Variants in IFT57 observed in about 807,000 individuals in gnomAD.
The protein encoded by IFT57 is intraflagellar transport protein 57 homolog.
IFT57 carries 59 observed loss-of-function variants against 56.8 expected under a neutral mutation model. That is an observed-to-expected ratio of 1.04 (90% CI 0.84 to 1.29). The LOEUF is 1.29. IFT57 is among the 50% of genes most tolerant of loss of function. The pLI, the probability that IFT57 is intolerant of heterozygous loss-of-function variation, is 0.00. For missense variants in IFT57, 470 were observed against 522.1 expected, an observed-to-expected ratio of 0.90 and a Z score of 0.97; for synonymous variants, 209 against 186.1, an observed-to-expected ratio of 1.12 and a Z score of -1.00.
chr3:108,211,669 C>T (rs905837562), intron 4 of IFT57, among the ~76,000 whole-genome samples: 1 of 152,152 alleles, frequency 6.6e-6, no homozygotes, highest in Non-Finnish European at 1.5e-5. Flanking sequence ...TAAAAAACAT[C>T]TTTTAAACTG....
intron 1 of IFT57, 99 bp downstream of exon 1, chr3:108,222,012 G>C: frequency 6.6e-7 from 1 of 1,513,464 alleles, no homozygotes; most frequent in Non-Finnish European, 8.9e-7. Flanking sequence ...GCAAGGAATT[G>C]CTAACCCGCT....
In IFT57 at chr3:108,210,101, T is replaced by C. The variant is rs529109805; in HGVS notation, c.586-3405A>G. ...TACAATAGGATTCTAATCTCAGTAA[T>C]TCAGAAGGCACTCAAAAATTTCCTA... On this transcript the variant is annotated intron_variant, in intron 4 of 10. Coordinates refer to ENST00000264538, the MANE Select transcript of IFT57 (RefSeq NM_018010.4). Among the ~76,000 whole-genome samples, 4 of 152,324 alleles carry C rather than the reference T, an allele frequency of 2.6e-5. No individual in the cohort carries two copies. The South Asian group carries it at 8.3e-4, about 32-fold the overall frequency.
At position 108,175,054 on chromosome 3, in the gene IFT57, T is replaced by C. The variant is rs78760073; in HGVS notation, c.778-7190A>G. 3.2e-4 allele frequency among the ~76,000 whole-genome samples: 48 copies of C among 151,954 alleles called. No individual in the cohort carries two copies. In the East Asian group the frequency reaches 9.3e-3, roughly 30 times the overall value. Reference sequence around the variant, plus strand: ...AATGCAAAGCAATCTCAAAACAGTGTATTTTCCGCATATTACATAATGCTT... The same window carrying C: ...AATGCAAAGCAATCTCAAAACAGTGCATTTTCCGCATATTACATAATGCTT... On this transcript the variant is annotated intron_variant, in intron 6 of 10. Coordinates refer to ENST00000264538, the MANE Select transcript of IFT57 (RefSeq NM_018010.4).
intron 6 of IFT57, among the ~76,000 whole-genome samples, chr3:108,187,442 ATAGAG>A (rs1175880874): frequency 1.3e-5 from 2 of 152,158 alleles, no homozygotes; most frequent in Non-Finnish European, 2.9e-5. Flanking sequence ...CATAAAAAGA[ATAGAG>A]AAGGAGATTT....
At chr3:108,176,530 A>C (rs2080124811) in intron 6 of IFT57, among the ~76,000 whole-genome samples, 1 of 151,886 alleles carries the variant, frequency 6.6e-6, no homozygotes. Flanking sequence ...CAAAGTTTGT[A>C]CATTAAATGA....
At chr3:108,206,977 A>G (rs1405568080) in intron 4 of IFT57, among the ~76,000 whole-genome samples, 1 of 152,194 alleles carries the variant, frequency 6.6e-6, no homozygotes, top group Non-Finnish European at 1.5e-5. Flanking sequence ...GAAGGGAGCC[A>G]TTGCTATAGA....
At chr3:108,219,335 G>A in intron 2 of IFT57, 75 bp downstream of exon 2, 1 of 1,243,264 alleles carries the variant, frequency 8.0e-7, no homozygotes, top group Admixed American at 1.8e-5. Context: ...TAAATGGCTA[G>A]CATTTGTTAT....
intron 3 of IFT57, among the ~76,000 whole-genome samples, chr3:108,214,225 AGAT>A (rs1420771560): frequency 6.6e-6 from 1 of 152,168 alleles, no homozygotes; most frequent in African/African-American, 2.4e-5. Context: ...ATAAAAAATG[AGAT>A]GATACTATGC....
chr3:108,167,779 A>G lies in IFT57; in HGVS notation c.849+14T>C. 2 of 1,511,744 alleles carry G rather than the reference A, an allele frequency of 1.3e-6. No homozygotes were observed. The highest frequency in any genetic ancestry group is 1.8e-6 in the Non-Finnish European group (2 of 1,116,196). 93.6% of individuals were successfully genotyped at this position (1,511,744 alleles called of 1,614,324 possible). ...AGTAAATGTACATTGATTCACGTAA[A>G]GTAATTCATATACCTTGGTCTCCTT... On this transcript the variant is annotated intron_variant, in intron 7 of 10. Transcript: ENST00000264538.
At chr3:108,205,304 T>C (rs1235995601) in intron 5 of IFT57, among the ~76,000 whole-genome samples, 1 of 152,094 alleles carries the variant, frequency 6.6e-6, no homozygotes, top group Non-Finnish European at 1.5e-5. Context: ...GTAATATTTT[T>C]ATCTCATTTA....
At position 108,222,172 on chromosome 3, in the gene IFT57, G is replaced by C. The variant is rs1051447336; in HGVS notation, c.151C>G (p.Leu51Val). Residue 51 changes from leucine to valine, a missense_variant, in exon 1 of 11, where the codon CTG (leucine) becomes GTG (valine). Physicochemically the swap from Leu to Val is conservative, Grantham distance 32. Coordinates refer to ENST00000264538, the MANE Select transcript of IFT57 (RefSeq NM_018010.4). ...FVVMEDLVEK[L>V]KLLRYEEEFL... ...TCCTCCTCGTAGCGGAGCAGCTTCA[G>C]CTTCTCCACCAAGTCCTCCATCACC... 6.2e-7 allele frequency: 1 copy of C among 1,614,022 alleles called. No homozygotes were observed. Among genetic ancestry groups the C allele is most frequent in the African/African-American group, 1.3e-5 (1 of 75,056 alleles).
At position 108,222,115 on chromosome 3, in the gene IFT57, A is replaced by G. The variant is rs1432719058; in HGVS notation, c.208T>C (p.Ser70Pro). 6.2e-7 allele frequency: 1 copy of G among 1,600,250 alleles called. No individual in the cohort carries two copies. The highest frequency in any genetic ancestry group is 2.3e-5 in the East Asian group (1 of 43,864). Residue 70 changes from serine to proline, a missense_variant, in exon 1 of 11, where the codon TCC becomes CCC. By Grantham distance (74) the Ser-to-Pro change is moderately conservative. Coordinates refer to ENST00000264538, the MANE Select transcript of IFT57 (RefSeq NM_018010.4). ...FLRKSNLKAPSRHYFALPTNP... is the reference protein window; with the variant it reads ...FLRKSNLKAPPRHYFALPTNP... ...CTCGGGGACGCCGGCACCCACCTGG[A>G]CGGGGCCTTCAGGTTGCTCTTCCGG...
chr3:108,201,765 A>T (rs138967795), intron 5 of IFT57, among the ~76,000 whole-genome samples: 50 of 152,318 alleles, frequency 3.3e-4, no homozygotes, highest in African/African-American at 1.1e-3. Context: ...ATGTAAAATT[A>T]AAAAAATTAA....
At chr3:108,168,859 GTA>G (rs1366919935) in intron 6 of IFT57, among the ~76,000 whole-genome samples, 7 of 152,024 alleles carry the variant, frequency 4.6e-5, no homozygotes, top group African/African-American at 1.7e-4. Flanking sequence ...ATTCCACAGT[GTA>G]TATGTGCCAT....
At chr3:108,173,332 G>T (rs540284591) in intron 6 of IFT57, among the ~76,000 whole-genome samples, 4 of 151,854 alleles carry the variant, frequency 2.6e-5, no homozygotes, top group Admixed American at 2.0e-4. Context: ...AGCAGCAGAG[G>T]AGCACACAGC....
intron 3 of IFT57, among the ~76,000 whole-genome samples, chr3:108,215,610 A>G (rs62267922): frequency 0.091 from 13,898 of 152,208 alleles, 696 homozygotes; most frequent in Middle Eastern, 0.12. Context: ...GCAAAATACT[A>G]TGAACTAAAT....
chr3:108,200,329 G>T (rs181364677), intron 5 of IFT57, among the ~76,000 whole-genome samples: 10 of 152,248 alleles, frequency 6.6e-5, no homozygotes, highest in Admixed American at 6.5e-4. Flanking sequence ...ACAGCTGAAG[G>T]GATGGATATG....
intron 3 of IFT57, among the ~76,000 whole-genome samples, chr3:108,218,003 A>AT (rs2080382474): frequency 6.7e-6 from 1 of 149,944 alleles, no homozygotes; most frequent in Non-Finnish European, 1.5e-5. Context: ...ACCATAGGAT[A>AT]AATATAATAT....
chr3:108,167,593 T>C (rs1203068058), intron 7 of IFT57, among the ~76,000 whole-genome samples, 200 bp downstream of exon 7: 2 of 149,740 alleles, frequency 1.3e-5, no homozygotes, highest in Admixed American at 6.7e-5. Flanking sequence ...TATATACATA[T>C]ATATAGCTTT....
Sources: gnomAD v4.1 joint callset for allele counts (sites outside exome capture counted in the v4.1 genomes callset) on GRCh38, gnomAD v4.1.1 for gene constraint, MANE v1.5 for transcripts, NCBI Gene and HGNC (gene_info 2026-07-23, HGNC 2026-07-21) for gene names.